Variants in MRTFB observed in about 807,000 individuals in gnomAD.
MRTFB encodes myocardin-related transcription factor B.
Under a neutral mutation model 104.2 loss-of-function variants are expected in MRTFB, and 29 were observed. That is an observed-to-expected ratio of 0.28 (90% CI 0.21 to 0.38). The LOEUF is 0.38. MRTFB is among the 10% of genes least tolerant of loss of function. MRTFB has a pLI of 1.00. For missense variants in MRTFB, 1,270 were observed against 1,341.6 expected (o/e 0.95, Z 0.83); for synonymous variants, 535 against 519.5 (o/e 1.03, Z -0.41).
chr16:14,151,015 C>G (rs1275034979), intron 3 of MRTFB: 1 of 152,152 alleles, frequency 6.6e-6, no homozygotes, highest in Non-Finnish European at 1.5e-5. Flanking sequence ...CCTGGAGAGA[C>G]AACTGCTCAC....
At chr16:14,201,641 T>A (rs2040709358) in intron 3 of MRTFB, among the ~76,000 whole-genome samples, 1 of 152,198 alleles carries the variant, frequency 6.6e-6, no homozygotes, top group Admixed American at 6.5e-5. Flanking sequence ...ACCCAGAGAT[T>A]GCTGCTGTTC....
At chr16:14,186,697 G>C in intron 3 of MRTFB, 1 of 1,370,528 alleles carries the variant, frequency 7.3e-7, no homozygotes, top group East Asian at 3.1e-5. Context: ...AGAGAGTTAA[G>C]GGCTTCCAGC....
intron 3 of MRTFB, among the ~76,000 whole-genome samples, chr16:14,199,761 A>ATT (rs1195165556): frequency 6.6e-6 from 1 of 152,242 alleles, no homozygotes; most frequent in African/African-American, 2.4e-5. Flanking sequence ...ATTCTATGAA[A>ATT]TTTGGAAATA....
At chr16:14,193,056 T>A (rs1429123931) in intron 3 of MRTFB, among the ~76,000 whole-genome samples, 1 of 151,832 alleles carries the variant, frequency 6.6e-6, no homozygotes, top group African/African-American at 2.4e-5. Context: ...TTTACGGGCA[T>A]CTTTACTCCA....
the MRTFB span, among the ~76,000 whole-genome samples, chr16:14,003,646 C>G: frequency 3.5e-5 from 1 of 28,370 alleles, no homozygotes; most frequent in Non-Finnish European, 9.6e-5. Context: ...GCCTGCCTCC[C>G]TCCCTCCCTC....
chr16:14,159,452 G>T (rs561282244), intron 3 of MRTFB, among the ~76,000 whole-genome samples: 64 of 152,230 alleles, frequency 4.2e-4, no homozygotes, highest in African/African-American at 1.3e-3. Flanking sequence ...CCTGAAAATA[G>T]ATTATTATGG....
At chr16:14,237,666 GC>G (rs1344159003) in intron 9 of MRTFB, among the ~76,000 whole-genome samples, 1 of 152,142 alleles carries the variant, frequency 6.6e-6, no homozygotes, top group Non-Finnish European at 1.5e-5. Flanking sequence ...CCAGGTGTGG[GC>G]AAGGGAGTAC....
intron 13 of MRTFB, among the ~76,000 whole-genome samples, chr16:14,249,708 C>T (rs150668368): frequency 0.012 from 1,835 of 152,284 alleles, 38 homozygotes; most frequent in African/African-American, 0.041. Flanking sequence ...CCGCATTCCC[C>T]GGTAGCCAGT....
intron 8 of MRTFB, among the ~76,000 whole-genome samples, chr16:14,233,226 A>G (rs907268602): frequency 1.3e-5 from 2 of 152,200 alleles, no homozygotes; most frequent in Non-Finnish European, 1.5e-5. Context: ...TGGAGAGATA[A>G]TGTTGTCGGT....
At chr16:14,056,088 C>T in the MRTFB span, among the ~76,000 whole-genome samples, 2 of 152,174 alleles carry the variant, frequency 1.3e-5, no homozygotes, top group Non-Finnish European at 2.9e-5. Context: ...AAGTAACTCT[C>T]ATGCTTCAGC....
chr16:14,096,162 C>T (rs1457263364), intron 2 of MRTFB, among the ~76,000 whole-genome samples: 1 of 151,992 alleles, frequency 6.6e-6, no homozygotes, highest in Non-Finnish European at 1.5e-5. Context: ...CTGCAACCTC[C>T]GCCTCCTGGG....
intron 3 of MRTFB, chr16:14,150,871 C>T (rs1042039574): frequency 6.6e-6 from 1 of 152,196 alleles, no homozygotes; most frequent in Non-Finnish European, 1.5e-5. Context: ...TTTTCTGCTT[C>T]TTGGGAGCAC....
At chr16:14,184,302 A>C (rs1038368843) in intron 3 of MRTFB, among the ~76,000 whole-genome samples, 2 of 150,014 alleles carry the variant, frequency 1.3e-5, no homozygotes, top group Non-Finnish European at 3.0e-5. Flanking sequence ...AGCTCACTGT[A>C]ACCTCTGCCT....
At chr16:14,088,211 C>T (rs9921648) in intron 2 of MRTFB, among the ~76,000 whole-genome samples, 1 of 151,900 alleles carries the variant, frequency 6.6e-6, no homozygotes, top group Admixed American at 6.6e-5. Context: ...GAGAGCAGTG[C>T]GGAATTTTAT....
At chr16:14,242,358 T>C (rs4781589) in intron 10 of MRTFB, among the ~76,000 whole-genome samples, 26,490 of 152,130 alleles carry the variant, frequency 0.17, 5,856 homozygotes, top group African/African-American at 0.52. Context: ...CACCCAAGAA[T>C]AGTATCATAC....
At chr16:14,122,322 A>G (rs1358877184) in intron 2 of MRTFB, among the ~76,000 whole-genome samples, 1 of 151,576 alleles carries the variant, frequency 6.6e-6, no homozygotes, top group Non-Finnish European at 1.5e-5. Context: ...TCTGGGGTAC[A>G]TGTGTAGAAT....
intron 2 of MRTFB, among the ~76,000 whole-genome samples, chr16:14,083,079 C>G (rs1281092617): frequency 6.6e-6 from 1 of 151,852 alleles, no homozygotes; most frequent in Non-Finnish European, 1.5e-5. Flanking sequence ...CTCCTTGGTT[C>G]AATTTATTTC....
intron 2 of MRTFB, among the ~76,000 whole-genome samples, chr16:14,097,334 T>G (rs538909270): frequency 6.6e-4 from 101 of 152,308 alleles, no homozygotes; most frequent in Non-Finnish European, 1.2e-3. Context: ...TCAGGTTTCA[T>G]TTGAAGCTAA....
At chr16:14,257,663 A>G (rs1302206234) in intron 15 of MRTFB, among the ~76,000 whole-genome samples, 1 of 152,218 alleles carries the variant, frequency 6.6e-6, no homozygotes, top group African/African-American at 2.4e-5. Context: ...TTTCATGGGT[A>G]TATTTATATG....
Sources: gnomAD v4.1 joint callset for allele counts (sites outside exome capture counted in the v4.1 genomes callset) on GRCh38, gnomAD v4.1.1 for gene constraint, MANE v1.5 for transcripts, NCBI Gene and HGNC (gene_info 2026-07-23, HGNC 2026-07-21) for gene names.